Variants in ATP2A2 observed in about 807,000 individuals in gnomAD.
ATP2A2 encodes sarcoplasmic/endoplasmic reticulum calcium ATPase 2.
Under a neutral mutation model 109.3 loss-of-function variants are expected in ATP2A2, and 14 were observed. That is an observed-to-expected ratio of 0.13 (90% CI 0.08 to 0.20). The LOEUF is 0.20. Among genes scored for constraint, ATP2A2 ranks in the 10% least tolerant of loss-of-function variants. ATP2A2 has a pLI of 1.00. For synonymous variants in ATP2A2, 506 were observed against 490.9 expected (o/e 1.03, Z -0.41); for missense variants, 657 against 1,321.6 (o/e 0.50, Z 7.80).
Position 110,350,272 on chromosome 12 carries a change from C to T in ATP2A2, c.*3802C>T, listed in dbSNP as rs1049268167. On this transcript the variant is annotated 3_prime_UTR_variant, in exon 20 of 20. Transcript: ENST00000539276. ...TCTCTGTATTTCATGAAGCTGATTT[C>T]CTCTCTCTTTCCTTTTCAGCAATAC... 3 of 1,614,174 alleles carry T rather than the reference C, an allele frequency of 1.9e-6. No homozygotes were observed. Among genetic ancestry groups the T allele is most frequent in the African/African-American group, 1.3e-5 (1 of 75,036 alleles).
intron 11 of ATP2A2, among the ~76,000 whole-genome samples, chr12:110,338,165 T>G (rs1276696951): frequency 6.6e-6 from 1 of 152,226 alleles, no homozygotes; most frequent in African/African-American, 2.4e-5. Flanking sequence ...CTCAGCCATT[T>G]CTGTCTATAG....
chr12:110,348,088 C>CA lies in ATP2A2; in HGVS notation c.*1619dup, dbSNP rs1018460773. 2.1e-5 allele frequency: 21 copies of CA among 986,396 alleles called. No homozygotes were observed. The highest frequency in any genetic ancestry group is 2.4e-5 in the Non-Finnish European group (20 of 830,630). The allele number at this position is 986,396 out of a possible 1,614,324, so 61.1% of individuals were successfully genotyped here. ...GAGAGAGGCATTTCAGCCAGACCAA[C>CA]AGGCTGAAGGAGCTGTGCAGACTAT... is the stretch of plus-strand genomic sequence containing the variant. On this transcript the variant is annotated 3_prime_UTR_variant, in exon 20 of 20. Coordinates refer to ENST00000539276, the MANE Select transcript of ATP2A2 (RefSeq NM_170665.4).
rs1877942816 is a variant in ATP2A2, at chr12:110,327,649, G to C, written c.727G>C (p.Glu243Gln). ...GKIRDEMVAT[E>Q]QERTPLQQKL... ...GATCCGGGATGAAATGGTGGCAACA[G>C]AACAGGAGAGAACACCCCTTCAGCA... The change falls in exon 8 of 20, where the codon GAA becomes CAA. Residue 243 changes from glutamate (E) to glutamine (Q), a missense_variant. By Grantham distance (29) the Glu-to-Gln change is conservative. Coordinates refer to ENST00000539276, the MANE Select transcript of ATP2A2 (RefSeq NM_170665.4). The surrounding 1 kb of genome is among the most constrained non-coding windows in gnomAD (Gnocchi z 4.4). 1 of 1,614,042 alleles carries C rather than the reference G, an allele frequency of 6.2e-7. No homozygotes were observed. Among genetic ancestry groups the C allele is most frequent in the African/African-American group, 1.3e-5 (1 of 74,920 alleles).
At chr12:110,283,960 GTAAA>G (rs1872416555) in intron 3 of ATP2A2, among the ~76,000 whole-genome samples, 2 of 152,330 alleles carry the variant, frequency 1.3e-5, no homozygotes, top group East Asian at 3.9e-4. Context: ...AGTGGCAGCA[GTAAA>G]TAAATTTGTG....
chr12:110,332,933 G>C (rs770251874), intron 9 of ATP2A2, among the ~76,000 whole-genome samples: 10 of 152,182 alleles, frequency 6.6e-5, no homozygotes, highest in Non-Finnish European at 8.8e-5. Flanking sequence ...ATTCACTGTA[G>C]CCAGTGGTGG....
At chr12:110,303,499 C>T (rs1291786335) in intron 5 of ATP2A2, among the ~76,000 whole-genome samples, 1 of 152,176 alleles carries the variant, frequency 6.6e-6, no homozygotes, top group African/African-American at 2.4e-5. Context: ...CAACCTCCGA[C>T]TCCCTGGTTC....
chr12:110,347,835 T>G lies in ATP2A2; in HGVS notation c.*1365T>G, dbSNP rs906466589. The G allele has an allele frequency of 9.8e-7, 1 of 1,024,960 alleles. No individual in the cohort carries two copies. Among genetic ancestry groups the G allele is most frequent in the Non-Finnish European group, 1.2e-6 (1 of 853,758 alleles). 63.5% of individuals were successfully genotyped at this position (1,024,960 alleles called of 1,614,324 possible). A position where few individuals can be genotyped will look rare whatever the true frequency, so the allele number is the denominator to read the frequency against. ...GGATTTGGATGCTTTAGCCTAAAGGTGACTGCCACCAAGTGAGATAACTGT... is the reference window on the plus strand; with the variant it reads ...GGATTTGGATGCTTTAGCCTAAAGGGGACTGCCACCAAGTGAGATAACTGT... On this transcript the variant is annotated 3_prime_UTR_variant, in exon 20 of 20. Coordinates refer to ENST00000539276, the MANE Select transcript of ATP2A2 (RefSeq NM_170665.4).
chr12:110,309,859 A>G (rs1443184812), intron 5 of ATP2A2, among the ~76,000 whole-genome samples: 1 of 151,968 alleles, frequency 6.6e-6, no homozygotes, highest in African/African-American at 2.4e-5. Flanking sequence ...CAGTGAGCTG[A>G]AATTAAGCCA....
chr12:110,341,702 G>A (rs1489527591), intron 14 of ATP2A2, among the ~76,000 whole-genome samples: 2 of 152,072 alleles, frequency 1.3e-5, no homozygotes, highest in East Asian at 1.9e-4. Context: ...GTGAAACCCC[G>A]TCTGTACTAA....
In ATP2A2 at chr12:110,341,989, A is replaced by C. The variant is rs567706270; in HGVS notation, c.2098-239A>C. 2.0e-5 allele frequency among the ~76,000 whole-genome samples: 3 copies of C among 152,362 alleles called. No homozygotes were observed. The highest frequency in any genetic ancestry group is 2.0e-4 in the Admixed American group (3 of 15,304). On this transcript the variant is annotated intron_variant, in intron 14 of 19. Transcript: ENST00000539276. ...TTGTGTTTTTGTTTTTAGTAAGATAATACAGATAAATTTGAAGTCCCCTTT... is the reference window on the plus strand; with the variant it reads ...TTGTGTTTTTGTTTTTAGTAAGATACTACAGATAAATTTGAAGTCCCCTTT...
At position 110,281,473 on chromosome 12, in the gene ATP2A2, G is replaced by C. The variant is rs1592781658; in HGVS notation, c.-317G>C. On this transcript the variant is annotated 5_prime_UTR_variant, in exon 1 of 20. Transcript: ENST00000539276. ...ATCGCCTCAAGAGAGCGGGGAGGGGGCTCGGGGGCCGCGGCCTGCCCTCCC... is the reference window on the plus strand; with the variant it reads ...ATCGCCTCAAGAGAGCGGGGAGGGGCCTCGGGGGCCGCGGCCTGCCCTCCC... 1 of 169,022 alleles carries C rather than the reference G, an allele frequency of 5.9e-6. No individual in the cohort carries two copies. Among genetic ancestry groups the C allele is most frequent in the Admixed American group, 6.4e-5 (1 of 15,562 alleles). The allele number at this position is 169,022 out of a possible 1,614,324, so 10.5% of individuals were successfully genotyped here. A position where few individuals can be genotyped will look rare whatever the true frequency, so the allele number is the denominator to read the frequency against.
intron 3 of ATP2A2, among the ~76,000 whole-genome samples, chr12:110,283,176 A>T (rs1872323340): frequency 6.6e-6 from 1 of 152,194 alleles, no homozygotes; most frequent in South Asian, 2.1e-4. Context: ...TGTAGTCTGT[A>T]AATAGAACTT....
At chr12:110,287,971 T>TCCTGTCAC (rs1872833988) in intron 3 of ATP2A2, among the ~76,000 whole-genome samples, 1 of 151,064 alleles carries the variant, frequency 6.6e-6, no homozygotes. Flanking sequence ...AGATAGGGTC[T>TCCTGTCAC]CCTGTCGCCC....
chr12:110,318,224 C>G lies in ATP2A2; in HGVS notation c.464-4768C>G, dbSNP rs1051180230. Reference sequence around the variant, plus strand: ...TTCACTTGAAAAGTATTCGGTGGACCTTTACTTTCATGAACCTTTTAACTC... The same window carrying G: ...TTCACTTGAAAAGTATTCGGTGGACGTTTACTTTCATGAACCTTTTAACTC... On this transcript the variant is annotated intron_variant, in intron 5 of 19. Transcript: ENST00000539276. Among the ~76,000 whole-genome samples, 8 of 152,158 alleles carry G rather than the reference C, an allele frequency of 5.3e-5. No homozygotes were observed. The South Asian group carries it at 6.2e-4, about 12-fold the overall frequency.
At chr12:110,330,155 G>A (rs1455972813) in intron 8 of ATP2A2, 2 of 152,102 alleles carry the variant, frequency 1.3e-5, no homozygotes, top group Admixed American at 6.5e-5. Flanking sequence ...TGGCCTTTTT[G>A]TCAGGTTTTA....
intron 3 of ATP2A2, among the ~76,000 whole-genome samples, chr12:110,283,594 TC>T (rs1872372927): frequency 6.6e-6 from 1 of 152,210 alleles, no homozygotes; most frequent in Non-Finnish European, 1.5e-5. Context: ...GCATTTTTTT[TC>T]TTGGGCAGTA....
intron 3 of ATP2A2, among the ~76,000 whole-genome samples, chr12:110,290,065 C>T (rs1340384273): frequency 6.6e-6 from 1 of 152,206 alleles, no homozygotes; most frequent in Non-Finnish European, 1.5e-5. Flanking sequence ...CTTAGGTTAT[C>T]TCTGAAGTGC....
rs1289953309 is a variant in ATP2A2 at position 110,347,568 on chromosome 12, ATGTG to A, written c.*1104_*1107del. ...ATAGAGAACATAAGGGCAAGTGTGT[ATGTG>A]TGTGTATGTGTGTGTTTTGTAAAAT... is the stretch of plus-strand genomic sequence containing the variant. On this transcript the variant is annotated 3_prime_UTR_variant, in exon 20 of 20. Transcript: ENST00000539276. The A allele has an allele frequency of 1.6e-5, 20 of 1,250,800 alleles. No individual in the cohort carries two copies. The highest frequency in any genetic ancestry group is 2.1e-5 in the Non-Finnish European group (20 of 966,474). 77.5% of individuals were successfully genotyped at this position (1,250,800 alleles called of 1,614,324 possible).
intron 14 of ATP2A2, among the ~76,000 whole-genome samples, chr12:110,341,795 C>A (rs1047620030): frequency 1.3e-5 from 2 of 152,182 alleles, no homozygotes; most frequent in Non-Finnish European, 2.9e-5. Flanking sequence ...ATCGCTTGAA[C>A]CCAGGAGGCG....
Sources: allele counts gnomAD v4.1 joint callset (sites outside exome capture counted in the v4.1 genomes callset), GRCh38; gene constraint gnomAD v4.1.1; non-coding constraint Gnocchi (gnomAD v3.1); transcripts MANE v1.5; gene names NCBI Gene and HGNC (gene_info 2026-07-23, HGNC 2026-07-21).